Variants in ZFHX3 observed in about 807,000 individuals in gnomAD.
ZFHX3 encodes the protein zinc finger homeobox protein 3.
ZFHX3 carries 42 observed loss-of-function variants against 279.1 expected under a neutral mutation model. The ratio of observed to expected loss-of-function variants is 0.15; its 90% CI spans 0.12 to 0.19. The LOEUF is 0.19. Ranked by LOEUF, ZFHX3 falls within the 10% of genes least tolerant of loss-of-function variation. ZFHX3 has a pLI of 1.00. For missense variants in ZFHX3, 4,981 were observed against 4,754.0 expected, an observed-to-expected ratio of 1.05 and a Z score of -1.40; for synonymous variants, 2,293 against 1,957.8, an observed-to-expected ratio of 1.17 and a Z score of -4.52.
At position 73,106,054 on chromosome 16, in the gene ZFHX3, G is replaced by A. The variant is rs1285730783; in HGVS notation, c.-896-12456C>T. ...GCAAAACACAGTTTCAATGTTTCTC[G>A]GAAGCCCTCCTAGACCCCTCCTCCC... On this transcript the variant is annotated intron_variant, in intron 7 of 17. Transcript: ENST00000641206. Among the ~76,000 whole-genome samples, 7 of 151,248 alleles carry A rather than the reference G, an allele frequency of 4.6e-5. No individual in the cohort carries two copies. The East Asian group carries it at 5.9e-4, about 13-fold the overall frequency.
chr16:73,557,404 G>C (rs1260495717), intron 2 of ZFHX3, among the ~76,000 whole-genome samples: 1 of 152,182 alleles, frequency 6.6e-6, no homozygotes, highest in East Asian at 1.9e-4. Flanking sequence ...TTCAGGGCGA[G>C]TTCGTAAAGT....
intron 7 of ZFHX3, among the ~76,000 whole-genome samples, chr16:73,116,111 ACT>A (rs890569788): frequency 3.5e-5 from 5 of 143,202 alleles, no homozygotes; most frequent in African/African-American, 1.4e-4. Flanking sequence ...CAAGAGCGAA[ACT>A]CTGTCTCAAA....
chr16:73,037,748 T>C (rs1380437485), intron 1 of ZFHX3, among the ~76,000 whole-genome samples: 2 of 152,160 alleles, frequency 1.3e-5, no homozygotes, highest in Non-Finnish European at 2.9e-5. Context: ...CAGCCCTTCG[T>C]GTGTTATAAA....
intron 2 of ZFHX3, among the ~76,000 whole-genome samples, chr16:73,520,074 A>G (rs930400418): frequency 6.6e-5 from 10 of 152,186 alleles, no homozygotes; most frequent in African/African-American, 1.2e-4. Context: ...CTCATTGTAA[A>G]CTTGATTTAA....
At chr16:73,697,906 A>T (rs1389488907) in intron 1 of ZFHX3, among the ~76,000 whole-genome samples, 1 of 152,196 alleles carries the variant, frequency 6.6e-6, no homozygotes, top group East Asian at 1.9e-4. Context: ...ACTGTAGTGA[A>T]CACACCTAGA....
chr16:73,694,864 C>G (rs2053181954), intron 1 of ZFHX3, among the ~76,000 whole-genome samples: 1 of 152,174 alleles, frequency 6.6e-6, no homozygotes, highest in South Asian at 2.1e-4. Flanking sequence ...CTGACAGTGA[C>G]AAATATGAAG....
At chr16:73,714,307 C>G (rs949963749) in intron 1 of ZFHX3, among the ~76,000 whole-genome samples, 1 of 152,130 alleles carries the variant, frequency 6.6e-6, no homozygotes, top group East Asian at 1.9e-4. Context: ...CTTTAGGAAG[C>G]AAGGCAGCTG....
chr16:73,216,955 G>A (rs991039361), intron 5 of ZFHX3, among the ~76,000 whole-genome samples: 1 of 152,148 alleles, frequency 6.6e-6, no homozygotes, highest in Non-Finnish European at 1.5e-5. Context: ...TGTTCCGAAA[G>A]CATGGCCGTG....
chr16:73,159,000 A>G (rs1372280968), intron 5 of ZFHX3, among the ~76,000 whole-genome samples: 3 of 152,202 alleles, frequency 2.0e-5, no homozygotes, highest in Admixed American at 1.3e-4. Context: ...AGGCAGTACC[A>G]CTCTGGACAT....
rs191888934 is a variant in ZFHX3 at position 73,757,890 on chromosome 16, A to G, written c.-1607-77650T>C. Among the ~76,000 whole-genome samples the G allele has an allele frequency of 1.2e-3, 181 of 152,312 alleles. 1 individual carries two copies. Among genetic ancestry groups the G allele is most frequent in the Non-Finnish European group, 7.4e-5 (5 of 68,020 alleles). ...TTTGTGACTCACTGGGACAAAAGTCAGCCTTCAGTTTATCTTTATACTCCA... is the reference window on the plus strand; with the variant it reads ...TTTGTGACTCACTGGGACAAAAGTCGGCCTTCAGTTTATCTTTATACTCCA... On this transcript the variant is annotated intron_variant, in intron 1 of 17. Coordinates refer to the ZFHX3 transcript ENST00000641206.
intron 4 of ZFHX3, among the ~76,000 whole-genome samples, chr16:73,277,183 G>A (rs377242896): frequency 2.1e-4 from 32 of 152,292 alleles, no homozygotes; most frequent in African/African-American, 7.0e-4. Flanking sequence ...TACAAAACAC[G>A]GTTGGCATGA....
chr16:73,317,754 A>T (rs1207702203), intron 4 of ZFHX3, among the ~76,000 whole-genome samples: 1 of 152,206 alleles, frequency 6.6e-6, no homozygotes, highest in Non-Finnish European at 1.5e-5. Context: ...CGGCCAGTAA[A>T]TTAATCTTTC....
intron 6 of ZFHX3, among the ~76,000 whole-genome samples, chr16:73,143,472 C>G (rs1026927478): frequency 5.9e-5 from 9 of 152,124 alleles, no homozygotes; most frequent in African/African-American, 2.2e-4. Context: ...GTGTTTTGCC[C>G]ACAGAAAGCT....
intron 2 of ZFHX3, among the ~76,000 whole-genome samples, chr16:73,534,278 T>G (rs2019856385): frequency 6.6e-6 from 1 of 152,188 alleles, no homozygotes; most frequent in Non-Finnish European, 1.5e-5. Flanking sequence ...AATGCTCTTC[T>G]CCTTAAATAT....
intron 3 of ZFHX3, among the ~76,000 whole-genome samples, chr16:73,385,010 A>G (rs1286790805): frequency 1.3e-5 from 2 of 152,146 alleles, no homozygotes; most frequent in African/African-American, 2.4e-5. Flanking sequence ...TTCCTAGAGC[A>G]TCTGTAGTGA....
chr16:72,847,540 C>T (rs1458542903), intron 4 of ZFHX3, among the ~76,000 whole-genome samples: 1 of 151,748 alleles, frequency 6.6e-6, no homozygotes, highest in African/African-American at 2.4e-5. Flanking sequence ...GAAGTGAGCC[C>T]GGAGCACCCC....
chr16:73,820,696 T>C (rs1010536456), intron 1 of ZFHX3, among the ~76,000 whole-genome samples: 3 of 152,056 alleles, frequency 2.0e-5, no homozygotes, highest in Non-Finnish European at 2.9e-5. Context: ...AGATATATAA[T>C]AATAGTTATT....
At chr16:73,534,200 A>C (rs2019855151) in intron 2 of ZFHX3, among the ~76,000 whole-genome samples, 1 of 152,192 alleles carries the variant, frequency 6.6e-6, no homozygotes, top group South Asian at 2.1e-4. Context: ...GAATTCTTCA[A>C]TGTTTCTTTA....
chr16:73,682,030 CAT>C (rs145863191), intron 1 of ZFHX3, among the ~76,000 whole-genome samples: 10,271 of 152,148 alleles, frequency 0.068, 1,139 homozygotes, highest in African/African-American at 0.23. Flanking sequence ...ATGTCTGACG[CAT>C]AATGGATGCT....
Sources: allele counts gnomAD v4.1 joint callset (sites outside exome capture counted in the v4.1 genomes callset), GRCh38; gene constraint gnomAD v4.1.1; transcripts MANE v1.5; gene names NCBI Gene and HGNC (gene_info 2026-07-23, HGNC 2026-07-21).